Variants in MOSMO observed in about 807,000 individuals in gnomAD.
MOSMO encodes modulator of smoothened protein.
MOSMO carries 5 observed loss-of-function variants against 18.4 expected under a neutral mutation model. That is an observed-to-expected ratio of 0.27 (90% CI 0.14 to 0.57). The LOEUF is 0.57. Among genes scored for constraint, MOSMO ranks in the 20% least tolerant of loss-of-function variants. The pLI, the probability that MOSMO is intolerant of heterozygous loss-of-function variation, is 0.92. For missense variants in MOSMO, 138 were observed against 211.8 expected, an observed-to-expected ratio of 0.65 and a Z score of 2.16; for synonymous variants, 82 against 82.3, an observed-to-expected ratio of 1.00 and a Z score of 0.02.
chr16:22,010,189 G>T (rs1264688154), intron 1 of MOSMO, among the ~76,000 whole-genome samples: 1 of 151,964 alleles, frequency 6.6e-6, no homozygotes, highest in East Asian at 1.9e-4. Flanking sequence ...ATATTCACTG[G>T]TTATTAAAAT....
Position 22,008,193 on chromosome 16 carries a change from G to T in MOSMO, c.-109G>T. On this transcript the variant is annotated 5_prime_UTR_variant, in exon 1 of 3. Coordinates refer to ENST00000542527, the MANE Select transcript of MOSMO (RefSeq NM_001164579.2). ...AGCGGCGCGCGGGGGCCGAGGGGGCGCGAGGCAGCGGCGCGGGGACTCCGG... is the reference window on the plus strand; with the variant it reads ...AGCGGCGCGCGGGGGCCGAGGGGGCTCGAGGCAGCGGCGCGGGGACTCCGG... 5.9e-6 allele frequency: 2 copies of T among 339,344 alleles called. No homozygotes were observed. The highest frequency in any genetic ancestry group is 9.0e-6 in the Non-Finnish European group (2 of 222,160). 21.0% of individuals were successfully genotyped at this position (339,344 alleles called of 1,614,324 possible).
At chr16:22,058,591 C>G (rs1900584084) in intron 1 of MOSMO, among the ~76,000 whole-genome samples, 1 of 152,030 alleles carries the variant, frequency 6.6e-6, no homozygotes, top group Admixed American at 6.6e-5. Flanking sequence ...GTAAATTCCA[C>G]TTGACTTAGT....
intron 1 of MOSMO, among the ~76,000 whole-genome samples, chr16:22,062,895 C>T (rs1335989029): frequency 3.3e-5 from 5 of 152,164 alleles, no homozygotes; most frequent in Non-Finnish European, 7.4e-5. Context: ...CTCTGTCGCC[C>T]AGGCTGGGGT....
At chr16:22,059,046 T>C (rs772011586) in intron 1 of MOSMO, among the ~76,000 whole-genome samples, 11 of 152,216 alleles carry the variant, frequency 7.2e-5, no homozygotes, top group Non-Finnish European at 1.3e-4. Flanking sequence ...ACTGAGACTT[T>C]CTGTTGTGAT....
chr16:22,059,375 G>A (rs1900600098), intron 1 of MOSMO, among the ~76,000 whole-genome samples: 1 of 152,150 alleles, frequency 6.6e-6, no homozygotes, highest in African/African-American at 2.4e-5. Flanking sequence ...GACAGCTCTA[G>A]AGATAATAAA....
chr16:22,067,633 G>A (rs1432168837), intron 1 of MOSMO, among the ~76,000 whole-genome samples: 1 of 152,180 alleles, frequency 6.6e-6, no homozygotes, highest in Admixed American at 6.5e-5. Context: ...GCCAAGGCAG[G>A]CAGATCACTT....
chr16:22,046,749 A>G (rs1293204706), intron 1 of MOSMO, among the ~76,000 whole-genome samples: 1 of 152,208 alleles, frequency 6.6e-6, no homozygotes, highest in Non-Finnish European at 1.5e-5. Context: ...AGGAGAACTG[A>G]GACAACAGAG....
intron 1 of MOSMO, among the ~76,000 whole-genome samples, chr16:22,021,536 C>G (rs1899762219): frequency 6.6e-6 from 1 of 152,102 alleles, no homozygotes; most frequent in Non-Finnish European, 1.5e-5. Flanking sequence ...TGGGCTCACA[C>G]CTGTAATCCC....
intron 1 of MOSMO, among the ~76,000 whole-genome samples, chr16:22,041,480 A>C (rs2142003251): frequency 1.3e-5 from 2 of 152,282 alleles, no homozygotes; most frequent in Middle Eastern, 6.8e-3. Context: ...AACCCTCATC[A>C]CCACCAACCC....
chr16:22,011,001 CT>C (rs1899515975), intron 1 of MOSMO, among the ~76,000 whole-genome samples: 1 of 151,132 alleles, frequency 6.6e-6, no homozygotes, highest in South Asian at 2.1e-4. Context: ...GAGTATAACT[CT>C]TTAAAATTTG....
rs1408143443 is a variant in MOSMO, at chr16:22,083,923, C to T, written c.*3043C>T. The T allele has an allele frequency of 3.3e-6, 1 of 301,650 alleles. No individual in the cohort carries two copies. The allele number at this position is 301,650 out of a possible 1,614,324, so 18.7% of individuals were successfully genotyped here. Reference sequence around the variant, plus strand: ...GTATGTAATTTTTCTGACTCTTCCACCTCTTATAAACCTATTTTCTGTTTC... The same window carrying T: ...GTATGTAATTTTTCTGACTCTTCCATCTCTTATAAACCTATTTTCTGTTTC... On this transcript the variant is annotated 3_prime_UTR_variant, in exon 3 of 3. Coordinates refer to ENST00000542527, the MANE Select transcript of MOSMO (RefSeq NM_001164579.2).
downstream of MOSMO, among the ~76,000 whole-genome samples, chr16:22,091,452 T>C (rs1901324082): frequency 6.6e-6 from 1 of 152,180 alleles, no homozygotes; most frequent in African/African-American, 2.4e-5. Flanking sequence ...GGTGCGATCA[T>C]AGCTCGCTGT....
intron 1 of MOSMO, among the ~76,000 whole-genome samples, chr16:22,055,067 T>A (rs1198173758): frequency 2.0e-5 from 3 of 152,122 alleles, no homozygotes; most frequent in Non-Finnish European, 4.4e-5. Context: ...ATAGTGTAAG[T>A]CTCTAGCCCA....
intron 1 of MOSMO, among the ~76,000 whole-genome samples, chr16:22,055,883 GGAAAA>G (rs1233578754): frequency 1.3e-5 from 2 of 152,156 alleles, no homozygotes; most frequent in African/African-American, 4.8e-5. Flanking sequence ...ACTTTAGGGT[GGAAAA>G]GAAATGACTT....
downstream of MOSMO, chr16:22,085,786 A>G (rs1901160821): frequency 6.6e-6 from 1 of 152,216 alleles, no homozygotes; most frequent in South Asian, 2.1e-4. Flanking sequence ...GATAGAAAGC[A>G]CAATGTATAT....
intron 1 of MOSMO, among the ~76,000 whole-genome samples, chr16:22,017,059 A>T (rs1899653081): frequency 6.6e-6 from 1 of 152,058 alleles, no homozygotes; most frequent in African/African-American, 2.4e-5. Context: ...TATGGAATAA[A>T]TTTTTTTCTA....
intron 1 of MOSMO, among the ~76,000 whole-genome samples, chr16:22,074,548 T>C (rs1900925655): frequency 6.6e-6 from 1 of 152,230 alleles, no homozygotes; most frequent in Non-Finnish European, 1.5e-5. Context: ...GTAGTTTTTA[T>C]TGAGAAGTAC....
chr16:22,054,958 T>C (rs72784929), intron 1 of MOSMO, among the ~76,000 whole-genome samples: 5 of 151,416 alleles, frequency 3.3e-5, no homozygotes, highest in Admixed American at 6.6e-5. Context: ...TTTGTAAAGA[T>C]AGGGGTTTTT....
chr16:22,066,749 A>G (rs1900755286), intron 1 of MOSMO, among the ~76,000 whole-genome samples: 2 of 152,280 alleles, frequency 1.3e-5, no homozygotes, highest in South Asian at 4.1e-4. Context: ...GTTAGTAAAC[A>G]GTAACAACAA....
Sources: allele counts gnomAD v4.1 joint callset (sites outside exome capture counted in the v4.1 genomes callset), GRCh38; gene constraint gnomAD v4.1.1; transcripts MANE v1.5; gene names NCBI Gene and HGNC (gene_info 2026-07-23, HGNC 2026-07-21).